Variants in IRX1 observed in about 807,000 individuals in gnomAD.
The protein encoded by IRX1 is iroquois-class homeodomain protein IRX-1.
Under a neutral mutation model 34.1 loss-of-function variants are expected in IRX1, and 22 were observed. That is an observed-to-expected ratio of 0.64 (90% CI 0.46 to 0.92). IRX1 has a LOEUF of 0.92. Ranked by LOEUF, IRX1 falls within the 40% of genes least tolerant of loss-of-function variation. The pLI, the probability that IRX1 is intolerant of heterozygous loss-of-function variation, is 0.00. For synonymous variants in IRX1, 363 were observed against 319.0 expected (o/e 1.14, Z -1.47); for missense variants, 758 against 680.0 (o/e 1.11, Z -1.28).
Position 3,599,181 on chromosome 5 carries a change from C to G in IRX1, c.277-44C>G. 6.4e-7 allele frequency: 1 copy of G among 1,556,310 alleles called. No homozygotes were observed. The highest frequency in any genetic ancestry group is 8.8e-7 in the Non-Finnish European group (1 of 1,140,572). ...CTCTCTCTCTCCCTTTCTCTCTCCA[C>G]TTCCCTCCTCTCTCTCCTCGATGGA... On this transcript the variant is annotated intron_variant, in intron 1 of 3. Coordinates refer to ENST00000302006, the MANE Select transcript of IRX1 (RefSeq NM_024337.4). This position sits in a 1 kb window ranked among gnomAD's most constrained non-coding sequence, Gnocchi z 6.6.
rs373622269 is a variant in IRX1 at position 3,599,881 on chromosome 5, C to T, written c.933C>T (p.His311=). Residue 311 remains histidine, a synonymous_variant, in exon 2 of 4, where the codon CAC becomes CAT. Transcript: ENST00000302006. The surrounding 1 kb of genome is among the most constrained non-coding windows in gnomAD (Gnocchi z 6.6). The part of the protein sequence containing the change: ...AAAGGLQGAP[H]GKPKIWSLAE... The stretch of plus-strand genomic sequence containing the variant: ...CGGGCGGCCTGCAGGGTGCGCCGCA[C>T]GGCAAGCCCAAGATCTGGTCGCTGG... 1,054 of 1,496,702 alleles carry T rather than the reference C, an allele frequency of 7.0e-4. 2 individuals are homozygous for T. Among genetic ancestry groups the T allele is most frequent in the Admixed American group, 9.1e-4 (37 of 40,698 alleles). 92.7% of individuals were successfully genotyped at this position (1,496,702 alleles called of 1,614,324 possible). A position where few individuals can be genotyped will look rare whatever the true frequency, so the allele number is the denominator to read the frequency against.
chr5:3,599,136 T>G lies in IRX1; in HGVS notation c.277-89T>G. 7.4e-7 allele frequency: 1 copy of G among 1,351,612 alleles called. No individual in the cohort carries two copies. Among genetic ancestry groups the G allele is most frequent in the Non-Finnish European group, 1.0e-6 (1 of 996,000 alleles). 83.7% of individuals were successfully genotyped at this position (1,351,612 alleles called of 1,614,324 possible). ...GAAGCGGCTGCTTCCCACTCTCCCG[T>G]CTTGGGGACTCATGTCTCTCTCTCT... On this transcript the variant is annotated intron_variant, in intron 1 of 3. Transcript: ENST00000302006. This position sits in a 1 kb window ranked among gnomAD's most constrained non-coding sequence, Gnocchi z 6.6.
Position 3,596,250 on chromosome 5 carries a change from G to A in IRX1, c.145G>A (p.Gly49Ser). 1 of 1,201,250 alleles carries A rather than the reference G, an allele frequency of 8.3e-7. No individual in the cohort carries two copies. The highest frequency in any genetic ancestry group is 1.0e-6 in the Non-Finnish European group (1 of 968,134). 74.4% of individuals were successfully genotyped at this position (1,201,250 alleles called of 1,614,324 possible). ...GGGCCGACCGGGGGCCGCGGAGCTG[G>A]GCGGCGGGGCAGGCGCGGCTGCAGT... Reference protein sequence around the residue: ...SSGRPGAAELGGGAGAAAVTS... With the variant: ...SSGRPGAAELSGGAGAAAVTS... The change falls in exon 1 of 4, where the codon GGC becomes AGC. Residue 49 changes from glycine to serine, a missense_variant. Transcript: ENST00000302006.
chr5:3,599,374 C>G lies in IRX1; in HGVS notation c.426C>G (p.Leu142=), dbSNP rs763588883. 6.8e-6 allele frequency: 11 copies of G among 1,614,152 alleles called. No homozygotes were observed. Among genetic ancestry groups the G allele is most frequent in the South Asian group, 2.2e-5 (2 of 91,078 alleles). ...CCACCCGCGAGAGCACCAGCACGCTCAAGGCCTGGCTCAACGAGCACCGCA... is the reference window on the plus strand; with the variant it reads ...CCACCCGCGAGAGCACCAGCACGCTGAAGGCCTGGCTCAACGAGCACCGCA... ...KNATRESTST[L]KAWLNEHRKN... Residue 142 remains leucine, a synonymous_variant, in exon 2 of 4, where the codon CTC becomes CTG. Coordinates refer to ENST00000302006, the MANE Select transcript of IRX1 (RefSeq NM_024337.4). This position sits in a 1 kb window ranked among gnomAD's most constrained non-coding sequence, Gnocchi z 6.6.
Position 3,599,824 on chromosome 5 carries a change from C to A in IRX1, c.876C>A (p.Gly292=). 6.4e-7 allele frequency: 1 copy of A among 1,569,114 alleles called. No homozygotes were observed. Among genetic ancestry groups the A allele is most frequent in the Non-Finnish European group, 8.6e-7 (1 of 1,158,782 alleles). ...LGLAKEAPEP[G]STRLLSPGAA... ...TGGCAAAGGAGGCCCCAGAGCCGGG[C>A]AGCACGCGCCTGCTGAGCCCCGGCG... is the stretch of plus-strand genomic sequence containing the variant. Residue 292 remains glycine (G), a synonymous_variant, in exon 2 of 4, where the codon GGC becomes GGA. Coordinates refer to ENST00000302006, the MANE Select transcript of IRX1 (RefSeq NM_024337.4). The surrounding 1 kb of genome is among the most constrained non-coding windows in gnomAD (Gnocchi z 6.6).
Position 3,595,987 on chromosome 5 carries a change from G to GCCGC in IRX1, c.-114_-111dup, listed in dbSNP as rs1743679518. ...CGGCCCGCCCGAGCGCGCCCGGCCG[G>GCCGC]CCGCCCGCTCCTCCCTAGACCCCTC... On this transcript the variant is annotated 5_prime_UTR_variant, in exon 1 of 4. Coordinates refer to ENST00000302006, the MANE Select transcript of IRX1 (RefSeq NM_024337.4). The GCCGC allele has an allele frequency of 1.8e-6, 1 of 568,746 alleles. No individual in the cohort carries two copies. Among genetic ancestry groups the GCCGC allele is most frequent in the Non-Finnish European group, 2.2e-6 (1 of 448,872 alleles). The allele number at this position is 568,746 out of a possible 1,614,324, so 35.2% of individuals were successfully genotyped here.
rs374320644 is a variant in IRX1 at position 3,596,379 on chromosome 5, A to G, written c.274A>G (p.Met92Val). Reference sequence around the variant, plus strand: ...CGCGGATCTCAGCCTCTTCTCGCAGATGGTGAGTGCGCCCGGCCTCCCCCG... The same window carrying G: ...CGCGGATCTCAGCCTCTTCTCGCAGGTGGTGAGTGCGCCCGGCCTCCCCCG... ...YAADLSLFSQMGSQYELKDNP... is the reference protein window; with the variant it reads ...YAADLSLFSQVGSQYELKDNP... Residue 92 changes from methionine to valine, a missense_variant and splice_region_variant, in exon 1 of 4, where the codon ATG (methionine) becomes GTG (valine). Physicochemically the swap from Met to Val is conservative, Grantham distance 21. Around this residue, in one of 3 missense-constraint regions of IRX1, gnomAD observed 195 missense variants for 195.0 expected, o/e 1.00. Coordinates refer to ENST00000302006, the MANE Select transcript of IRX1 (RefSeq NM_024337.4). 3.9e-6 allele frequency: 6 copies of G among 1,527,814 alleles called. No homozygotes were observed. Among genetic ancestry groups the G allele is most frequent in the East Asian group, 5.4e-5 (2 of 36,976 alleles). 94.6% of individuals were successfully genotyped at this position (1,527,814 alleles called of 1,614,324 possible). A position where few individuals can be genotyped will look rare whatever the true frequency, so the allele number is the denominator to read the frequency against.
chr5:3,600,702 C>T (rs748031921), intron 3 of IRX1, 21 bp downstream of exon 3: 4 of 1,605,616 alleles, frequency 2.5e-6, no homozygotes, highest in Non-Finnish European at 2.6e-6. Context: ...TTTGCTTTTG[C>T]TATGGGAGAA....
In IRX1 at chr5:3,596,369, C is replaced by G; in HGVS notation, c.264C>G (p.Leu88=). ...AFLPYAADLS[L]FSQMGSQYEL... is the part of the protein sequence containing the mutation. ...TGCCCTACGCCGCGGATCTCAGCCT[C>G]TTCTCGCAGATGGTGAGTGCGCCCG... The change falls in exon 1 of 4, where the codon CTC becomes CTG. Residue 88 remains leucine (L), a synonymous_variant. Coordinates refer to ENST00000302006, the MANE Select transcript of IRX1 (RefSeq NM_024337.4). The G allele has an allele frequency of 1.3e-6, 2 of 1,538,126 alleles. No homozygotes were observed. Among genetic ancestry groups the G allele is most frequent in the Non-Finnish European group, 1.7e-6 (2 of 1,146,656 alleles).
At position 3,599,150 on chromosome 5, in the gene IRX1, G is replaced by C. The variant is rs1561024203; in HGVS notation, c.277-75G>C. 6.7e-6 allele frequency: 9 copies of C among 1,344,774 alleles called. No homozygotes were observed. Among genetic ancestry groups the C allele is most frequent in the South Asian group, 1.5e-5 (1 of 68,336 alleles). The allele number at this position is 1,344,774 out of a possible 1,614,324, so 83.3% of individuals were successfully genotyped here. ...CCACTCTCCCGTCTTGGGGACTCATGTCTCTCTCTCTCTCTCCCTTTCTCT... is the reference window on the plus strand; with the variant it reads ...CCACTCTCCCGTCTTGGGGACTCATCTCTCTCTCTCTCTCTCCCTTTCTCT... On this transcript the variant is annotated intron_variant, in intron 1 of 3. Transcript: ENST00000302006. This position sits in a 1 kb window ranked among gnomAD's most constrained non-coding sequence, Gnocchi z 6.6.
chr5:3,597,520 C>T (rs765615588), intron 1 of IRX1, among the ~76,000 whole-genome samples: 1 of 152,228 alleles, frequency 6.6e-6, no homozygotes, highest in African/African-American at 2.4e-5. Context: ...AAGAAAGCGG[C>T]CCGGCTGCCT....
At position 3,600,028 on chromosome 5, in the gene IRX1, C is replaced by G. The variant is rs774706744; in HGVS notation, c.1080C>G (p.Ser360Arg). 4 of 1,577,550 alleles carry G rather than the reference C, an allele frequency of 2.5e-6. No homozygotes were observed. Among genetic ancestry groups the G allele is most frequent in the Non-Finnish European group, 3.5e-6 (4 of 1,159,048 alleles). The change falls in exon 2 of 4, where the codon AGC becomes AGG. Residue 360 changes from serine to arginine, a missense_variant. Physicochemically the swap from Ser to Arg is moderately radical, Grantham distance 110. This residue lies in a region of IRX1 where 529 missense variants were observed against 418.8 expected (regional missense o/e 1.26). Transcript: ENST00000302006. The stretch of plus-strand genomic sequence containing the variant: ...TGCAACACCCCGCCTTCCTGCCTAG[C>G]CACGGACTGTACACCTGCCACATCG... The part of the protein sequence containing the change: ...APLQHPAFLP[S>R]HGLYTCHIGK...
intron 1 of IRX1, 124 bp downstream of exon 1, chr5:3,596,505 G>C: frequency 9.8e-7 from 1 of 1,025,126 alleles, no homozygotes; most frequent in South Asian, 3.4e-5. Flanking sequence ...AGAAAGGTCC[G>C]GGGGCAGGTT....
rs759416217 is a variant in IRX1 at position 3,599,359 on chromosome 5, G to A, written c.411G>A (p.Glu137=). 3.7e-6 allele frequency: 6 copies of A among 1,614,106 alleles called. No homozygotes were observed. The highest frequency in any genetic ancestry group is 5.1e-6 in the Non-Finnish European group (6 of 1,180,032). ...DPGRPKNATR[E]STSTLKAWLN... is the part of the protein sequence containing the mutation. ...GGCGGCCCAAGAACGCCACCCGCGA[G>A]AGCACCAGCACGCTCAAGGCCTGGC... Residue 137 remains glutamate (E), a synonymous_variant, in exon 2 of 4, where the codon GAG becomes GAA. Transcript: ENST00000302006. The surrounding 1 kb of genome is among the most constrained non-coding windows in gnomAD (Gnocchi z 6.6).
chr5:3,600,825 C>A, intron 3 of IRX1, 144 bp downstream of exon 3: 2 of 1,142,548 alleles, frequency 1.8e-6, no homozygotes, highest in South Asian at 1.3e-5. Context: ...CCCTGGGCGC[C>A]GGGCGAGCCG....
At chr5:3,600,890 C>T in intron 3 of IRX1, 93 bp from the exon 4 acceptor site, 1 of 1,385,944 alleles carries the variant, frequency 7.2e-7, no homozygotes, top group Non-Finnish European at 1.0e-6. Context: ...GACCCCGCCC[C>T]CAGGGCTCCG....
In IRX1 at chr5:3,599,953, A is replaced by G. The variant is rs1359614304; in HGVS notation, c.1005A>G (p.Pro335=). The stretch of plus-strand genomic sequence containing the variant: ...ACGGTGCGCCCAAGGCTTCGCCACC[A>G]CCACCCGCGGGCCACCCCGGCGCGC... ...SPDGAPKASP[P]PPAGHPGAHG... Residue 335 remains proline (P), a synonymous_variant, in exon 2 of 4, where the codon CCA becomes CCG. Transcript: ENST00000302006. The surrounding 1 kb of genome is among the most constrained non-coding windows in gnomAD (Gnocchi z 6.6). 17 of 1,503,226 alleles carry G rather than the reference A, an allele frequency of 1.1e-5. No homozygotes were observed. The highest frequency in any genetic ancestry group is 3.9e-5 in the South Asian group (3 of 77,410). The allele number at this position is 1,503,226 out of a possible 1,614,324, so 93.1% of individuals were successfully genotyped here.
At chr5:3,600,348 G>T in intron 2 of IRX1, 88 bp downstream of exon 2, 1 of 1,297,084 alleles carries the variant, frequency 7.7e-7, no homozygotes, top group East Asian at 2.5e-5. Flanking sequence ...AGCATGAGCC[G>T]GGAGGGTACC....
Position 3,601,388 on chromosome 5 carries a change from A to T in IRX1, c.*348A>T, listed in dbSNP as rs1398675286. 6.3e-6 allele frequency: 2 copies of T among 319,422 alleles called. No individual in the cohort carries two copies. The highest frequency in any genetic ancestry group is 1.2e-5 in the Non-Finnish European group (2 of 168,982). 19.8% of individuals were successfully genotyped at this position (319,422 alleles called of 1,614,324 possible). A position where few individuals can be genotyped will look rare whatever the true frequency, so the allele number is the denominator to read the frequency against. On this transcript the variant is annotated 3_prime_UTR_variant, in exon 4 of 4. Coordinates refer to ENST00000302006, the MANE Select transcript of IRX1 (RefSeq NM_024337.4). ...TAAATCATATATTTTTGTCTAATAA[A>T]CTAAATGAAATGACACCCCCTCCCC...
Sources: gnomAD v4.1 joint callset for allele counts (sites outside exome capture counted in the v4.1 genomes callset) on GRCh38, gnomAD v4.1.1 for gene constraint, gnomAD v4.1.1 regional missense constraint, Gnocchi (gnomAD v3.1) non-coding constraint, MANE v1.5 for transcripts, NCBI Gene and HGNC (gene_info 2026-07-23, HGNC 2026-07-21) for gene names.